The following SLC22A23 variants were observed in gnomAD, a reference collection of about 807,000 sequenced individuals.
SLC22A23 encodes ion transporter protein.
SLC22A23 carries 26 observed loss-of-function variants against 61.0 expected under a neutral mutation model. The observed-to-expected ratio is 0.43, with a 90% CI of 0.31 to 0.59. The LOEUF is 0.59. Among genes scored for constraint, SLC22A23 ranks in the 20% least tolerant of loss-of-function variants. The pLI, the probability that SLC22A23 is intolerant of heterozygous loss-of-function variation, is 0.11. For missense variants in SLC22A23, 796 were observed against 934.7 expected, an observed-to-expected ratio of 0.85 and a Z score of 1.94; for synonymous variants, 430 against 413.9, an observed-to-expected ratio of 1.04 and a Z score of -0.47.
At chr6:3,400,040 G>A (rs1431697580) in intron 3 of SLC22A23, among the ~76,000 whole-genome samples, 1 of 152,040 alleles carries the variant, frequency 6.6e-6, no homozygotes, top group Non-Finnish European at 1.5e-5. Flanking sequence ...CACCATGCCT[G>A]GCTAATTTTT....
intron 9 of SLC22A23, among the ~76,000 whole-genome samples, chr6:3,280,162 G>A (rs2127298225): frequency 6.6e-6 from 1 of 152,314 alleles, no homozygotes; most frequent in Admixed American, 6.5e-5. Context: ...AATATGAACT[G>A]TCCTGTGCTG....
chr6:3,303,975 AC>A (rs1275544348), intron 4 of SLC22A23, among the ~76,000 whole-genome samples: 1 of 152,258 alleles, frequency 6.6e-6, no homozygotes, highest in African/African-American at 2.4e-5. Context: ...TGTTAATTTA[AC>A]AAATGCTGTT....
At chr6:3,440,446 G>A (rs1462158617) in intron 1 of SLC22A23, among the ~76,000 whole-genome samples, 1 of 152,098 alleles carries the variant, frequency 6.6e-6, no homozygotes, top group East Asian at 1.9e-4. Flanking sequence ...GGTGGCTCAT[G>A]CCTGTAATCC....
intron 4 of SLC22A23, among the ~76,000 whole-genome samples, chr6:3,301,684 A>C (rs114090736): frequency 6.6e-6 from 1 of 152,224 alleles, no homozygotes; most frequent in African/African-American, 2.4e-5. Flanking sequence ...GCCACTGCCC[A>C]GGGCTGAGGG....
intron 3 of SLC22A23, among the ~76,000 whole-genome samples, chr6:3,351,303 C>T (rs1764752924): frequency 2.0e-5 from 3 of 152,156 alleles, no homozygotes. Flanking sequence ...CCAGTGTAAT[C>T]GGAGTGCGGT....
intron 4 of SLC22A23, among the ~76,000 whole-genome samples, chr6:3,306,632 C>G (rs1388947690): frequency 6.6e-6 from 1 of 152,186 alleles, no homozygotes; most frequent in Non-Finnish European, 1.5e-5. Context: ...AGCCTTCACA[C>G]CTAACAAGTG....
chr6:3,405,264 A>AAT (rs1554152626), intron 3 of SLC22A23, among the ~76,000 whole-genome samples: 37 of 151,336 alleles, frequency 2.4e-4, no homozygotes, highest in African/African-American at 9.0e-4. Context: ...GTCTCAAAAA[A>AAT]TTTAAAAAAA....
At chr6:3,299,547 C>CA (rs1239582945) in intron 4 of SLC22A23, among the ~76,000 whole-genome samples, 3 of 152,158 alleles carry the variant, frequency 2.0e-5, no homozygotes, top group East Asian at 3.9e-4. Context: ...AGCCCCAATA[C>CA]AAAAAAACTA....
At chr6:3,284,360 T>C (rs1030656003) in intron 8 of SLC22A23, among the ~76,000 whole-genome samples, 9 of 152,154 alleles carry the variant, frequency 5.9e-5, no homozygotes, top group African/African-American at 1.9e-4. Flanking sequence ...ACAGGGTAGC[T>C]GAGTCAGGGT....
intron 1 of SLC22A23, chr6:3,445,070 G>A: frequency 1.4e-6 from 1 of 715,632 alleles, no homozygotes; most frequent in Non-Finnish European, 1.7e-6. Context: ...TCCTCACAAT[G>A]GCCCTCAAGG....
chr6:3,271,465 A>G lies in SLC22A23; in HGVS notation c.*1590T>C, dbSNP rs1758469813. 2.6e-5 allele frequency: 4 copies of G among 152,424 alleles called. No homozygotes were observed. Among genetic ancestry groups the G allele is most frequent in the African/African-American group, 9.6e-5 (4 of 41,452 alleles). 9.4% of individuals were successfully genotyped at this position (152,424 alleles called of 1,614,324 possible). ...ACAGCAAGCAGCAGGCCGGGTGGAA[A>G]GCCAGAAGGGGAGAAGGTCAACCCC... On this transcript the variant is annotated 3_prime_UTR_variant, in exon 10 of 10. Transcript: ENST00000406686.
chr6:3,376,287 T>C (rs1766558121), intron 3 of SLC22A23, among the ~76,000 whole-genome samples: 1 of 152,192 alleles, frequency 6.6e-6, no homozygotes, highest in African/African-American at 2.4e-5. Context: ...ATCTGCCCAT[T>C]GCTGTGCCCC....
rs904445260 is a variant in SLC22A23, at chr6:3,286,647, C to CGGGGCA, written c.1546+206_1546+211dup. ...GAAGGAATCATGGTGCAGCCCGGGC[C>CGGGGCA]GGGGCAGGGGCAGGGGGAGGCGGGA... is the stretch of plus-strand genomic sequence containing the variant. On this transcript the variant is annotated intron_variant, in intron 7 of 9. Transcript: ENST00000406686. The surrounding 1 kb of genome is among the most constrained non-coding windows in gnomAD (Gnocchi z 4.2). 3.3e-5 allele frequency among the ~76,000 whole-genome samples: 5 copies of CGGGGCA among 152,186 alleles called. No individual in the cohort carries two copies. Among genetic ancestry groups the CGGGGCA allele is most frequent in the South Asian group, 2.1e-4 (1 of 4,830 alleles).
At position 3,390,058 on chromosome 6, in the gene SLC22A23, A is replaced by G. The variant is rs186689306; in HGVS notation, c.913+20130T>C. Among the ~76,000 whole-genome samples the G allele has an allele frequency of 4.6e-5, 7 of 152,360 alleles. No homozygotes were observed. The highest frequency in any genetic ancestry group is 3.9e-4 in the Admixed American group (6 of 15,302). ...AGGCCTGGTTTGGGATGAAATGAAC[A>G]GAGTTCTCCTGGCACGGCATCACTG... On this transcript the variant is annotated intron_variant, in intron 3 of 9. Transcript: ENST00000406686. The surrounding 1 kb of genome is among the most constrained non-coding windows in gnomAD (Gnocchi z 4.0).
chr6:3,386,437 G>A lies in SLC22A23; in HGVS notation c.913+23751C>T, dbSNP rs1052886052. Among the ~76,000 whole-genome samples the A allele has an allele frequency of 3.9e-5, 6 of 152,208 alleles. No individual in the cohort carries two copies. Among genetic ancestry groups the A allele is most frequent in the Non-Finnish European group, 5.9e-5 (4 of 68,040 alleles). ...CCTGGATGTGGCACCAGGAGTTGGTGCTTCTCTTTCCTCCTCAAGAAGTTG... is the reference window on the plus strand; with the variant it reads ...CCTGGATGTGGCACCAGGAGTTGGTACTTCTCTTTCCTCCTCAAGAAGTTG... On this transcript the variant is annotated intron_variant, in intron 3 of 9. Transcript: ENST00000406686. This position sits in a 1 kb window ranked among gnomAD's most constrained non-coding sequence, Gnocchi z 4.4.
chr6:3,344,080 C>T (rs1581721132), intron 3 of SLC22A23, among the ~76,000 whole-genome samples: 1 of 152,154 alleles, frequency 6.6e-6, no homozygotes. Context: ...TCCAGAACTG[C>T]ATTGTCCAAT....
chr6:3,421,523 C>T (rs890183071), intron 1 of SLC22A23, among the ~76,000 whole-genome samples: 5 of 152,120 alleles, frequency 3.3e-5, no homozygotes, highest in East Asian at 1.9e-4. Flanking sequence ...AATGGAAAAA[C>T]GGTGACTAGA....
rs148723153 is a variant in SLC22A23, at chr6:3,415,994, C to T, written c.655-139G>A. The T allele has an allele frequency of 8.3e-4, 497 of 596,812 alleles. 1 individual carries two copies. The African/African-American group carries it at 8.6e-3, about 10-fold the overall frequency. 37.0% of individuals were successfully genotyped at this position (596,812 alleles called of 1,614,324 possible). A position where few individuals can be genotyped will look rare whatever the true frequency, so the allele number is the denominator to read the frequency against. Reference sequence around the variant, plus strand: ...CCATGCCATATACACCAGTCAGAGTCTCTTCCATGGTTTTGAAAATCCAAT... The same window carrying T: ...CCATGCCATATACACCAGTCAGAGTTTCTTCCATGGTTTTGAAAATCCAAT... On this transcript the variant is annotated intron_variant, in intron 1 of 9. Transcript: ENST00000406686.
At chr6:3,280,229 G>A (rs576364039) in intron 9 of SLC22A23, among the ~76,000 whole-genome samples, 1 of 152,202 alleles carries the variant, frequency 6.6e-6, no homozygotes, top group Non-Finnish European at 1.5e-5. Flanking sequence ...CAAGGTGCCT[G>A]TAGTCAGTTT....
Sources: gnomAD v4.1 joint callset for allele counts (sites outside exome capture counted in the v4.1 genomes callset) on GRCh38, gnomAD v4.1.1 for gene constraint, Gnocchi (gnomAD v3.1) non-coding constraint, MANE v1.5 for transcripts, NCBI Gene and HGNC (gene_info 2026-07-23, HGNC 2026-07-21) for gene names.